Variants in NUB1 observed in about 807,000 individuals in gnomAD.
The protein encoded by NUB1 is negative regulator of ubiquitin like proteins 1, also known as NEDD8 ultimate buster 1.
A neutral mutation model predicts 77.1 loss-of-function variants in NUB1; 41 were observed. That is an observed-to-expected ratio of 0.53 (90% CI 0.41 to 0.69). The LOEUF (loss-of-function observed/expected upper bound fraction) is 0.69, where lower values mean the gene tolerates loss of function less well. Among genes scored for constraint, NUB1 ranks in the 30% least tolerant of loss-of-function variants. NUB1 has a pLI of 0.00. For missense variants in NUB1, 643 were observed against 743.8 expected, an observed-to-expected ratio of 0.86 and a Z score of 1.58; for synonymous variants, 257 against 281.0, an observed-to-expected ratio of 0.91 and a Z score of 0.85.
Position 151,377,383 on chromosome 7 carries a change from G to T in NUB1, c.*158G>T. 1 of 518,292 alleles carries T rather than the reference G, an allele frequency of 1.9e-6. No individual in the cohort carries two copies. The highest frequency in any genetic ancestry group is 3.8e-5 in the Admixed American group (1 of 26,022). 32.1% of individuals were successfully genotyped at this position (518,292 alleles called of 1,614,324 possible). On this transcript the variant is annotated 3_prime_UTR_variant, in exon 15 of 15. Transcript: ENST00000568733. ...GGACAAGTCCAGGAGGGGTCCCAGGGCCTTCATGCGTGGTCTCGGGGAAGA... is the reference window on the plus strand; with the variant it reads ...GGACAAGTCCAGGAGGGGTCCCAGGTCCTTCATGCGTGGTCTCGGGGAAGA...
At chr7:151,350,313 CAG>C (rs1407229275) in intron 3 of NUB1, among the ~76,000 whole-genome samples, 5 of 152,358 alleles carry the variant, frequency 3.3e-5, no homozygotes, top group African/African-American at 1.2e-4. Flanking sequence ...GGTGGTGGAG[CAG>C]AGTCTTCTCT....
In NUB1 at chr7:151,376,699, C is replaced by G. The variant is rs1323751335; in HGVS notation, c.1557C>G (p.Val519=). ...EAALRVFRGN[V]QLAAQTLAHN... The stretch of plus-strand genomic sequence containing the variant: ...CGCTGAGAGTGTTCAGAGGCAACGT[C>G]CAGCTGGCCGCCCAGACCCTTGCTC... The change falls in exon 14 of 15, where the codon GTC becomes GTG. Residue 519 remains valine, a synonymous_variant. Transcript: ENST00000568733. The G allele has an allele frequency of 1.2e-6, 2 of 1,609,944 alleles. No individual in the cohort carries two copies. The highest frequency in any genetic ancestry group is 1.7e-6 in the Non-Finnish European group (2 of 1,178,398).
At chr7:151,344,180 CAA>C (rs561127147) in intron 1 of NUB1, among the ~76,000 whole-genome samples, 2 of 45,644 alleles carry the variant, frequency 4.4e-5, no homozygotes, top group African/African-American at 1.2e-4. Flanking sequence ...GACTCCCTCT[CAA>C]AAAAAAAAAA....
chr7:151,362,515 C>A (rs1376645348), intron 8 of NUB1, among the ~76,000 whole-genome samples: 4 of 152,160 alleles, frequency 2.6e-5, no homozygotes, highest in African/African-American at 4.8e-5. Flanking sequence ...AGAATAGTTT[C>A]TTTCCCCAAA....
intron 4 of NUB1, 121 bp from the exon 5 acceptor site, chr7:151,352,691 C>T (rs1255106510): frequency 6.1e-6 from 4 of 653,400 alleles, no homozygotes; most frequent in African/African-American, 5.7e-5. Flanking sequence ...CATCCTCCCA[C>T]CTTGGCCTCC....
intron 11 of NUB1, among the ~76,000 whole-genome samples, chr7:151,373,828 G>C (rs923114091): frequency 3.9e-5 from 6 of 152,238 alleles, no homozygotes; most frequent in African/African-American, 1.4e-4. Flanking sequence ...CCGGATGGTG[G>C]ATGGCGGGGC....
chr7:151,377,317 G>T lies in NUB1; in HGVS notation c.*92G>T. Reference sequence around the variant, plus strand: ...CTCTTTCTGTTCTTACTTTTTATCTGAATTACAAGTCCTCTTTGGGTGTAG... The same window carrying T: ...CTCTTTCTGTTCTTACTTTTTATCTTAATTACAAGTCCTCTTTGGGTGTAG... On this transcript the variant is annotated 3_prime_UTR_variant, in exon 15 of 15. Coordinates refer to ENST00000568733, the MANE Select transcript of NUB1 (RefSeq NM_001243351.2). The T allele has an allele frequency of 3.9e-4, 279 of 709,714 alleles. No homozygotes were observed. Among genetic ancestry groups the T allele is most frequent in the Middle Eastern group, 9.5e-4 (2 of 2,104 alleles). 44.0% of individuals were successfully genotyped at this position (709,714 alleles called of 1,614,324 possible).
chr7:151,351,213 G>T, intron 3 of NUB1: 1 of 544,322 alleles, frequency 1.8e-6, no homozygotes, highest in Non-Finnish European at 3.2e-6. Context: ...CCTGCCTGGT[G>T]GTGCCACGCT....
chr7:151,345,886 A>C (rs552418288), intron 2 of NUB1, among the ~76,000 whole-genome samples: 5 of 152,078 alleles, frequency 3.3e-5, no homozygotes, highest in African/African-American at 1.2e-4. Context: ...TGCTCTCACT[A>C]TCAGTGTTCA....
intron 2 of NUB1, among the ~76,000 whole-genome samples, chr7:151,345,791 GAC>G (rs1307430238): frequency 1.3e-5 from 2 of 152,186 alleles, no homozygotes; most frequent in Non-Finnish European, 2.9e-5. Flanking sequence ...TGTTCAAAGT[GAC>G]AGTGTCTTGG....
At chr7:151,351,219 A>T (rs1365275714) in intron 3 of NUB1, 1 of 549,486 alleles carries the variant, frequency 1.8e-6, no homozygotes, top group Non-Finnish European at 3.2e-6. Flanking sequence ...TGGTGGTGCC[A>T]CGCTGCCGCC....
chr7:151,375,783 C>A, intron 12 of NUB1, 65 bp from the exon 13 acceptor site: 2 of 1,064,476 alleles, frequency 1.9e-6, no homozygotes, highest in Non-Finnish European at 2.9e-6. Flanking sequence ...TGGCAGGGTG[C>A]AGCGCCTGTC....
At chr7:151,348,003 A>T (rs1352689035) in intron 2 of NUB1, among the ~76,000 whole-genome samples, 1 of 152,180 alleles carries the variant, frequency 6.6e-6, no homozygotes, top group Non-Finnish European at 1.5e-5. Context: ...TGGGACTGGA[A>T]GTGTGTTTGG....
intron 3 of NUB1, 197 bp from the exon 4 acceptor site, chr7:151,351,227 G>A (rs746844068): frequency 4.0e-5 from 22 of 556,236 alleles, no homozygotes; most frequent in South Asian, 1.5e-4. Flanking sequence ...CCACGCTGCC[G>A]CCCCCTTGAG....
intron 7 of NUB1, 26 bp downstream of exon 7, chr7:151,356,248 C>T (rs1272361528): frequency 6.6e-7 from 1 of 1,524,628 alleles, no homozygotes; most frequent in South Asian, 1.1e-5. Flanking sequence ...AATGTGTGGC[C>T]TGTTCTTAGA....
intron 11 of NUB1, among the ~76,000 whole-genome samples, chr7:151,369,528 T>A (rs563023791): frequency 6.6e-6 from 1 of 152,314 alleles, no homozygotes; most frequent in African/African-American, 2.4e-5. Flanking sequence ...AGAAACAAGT[T>A]GTATTATATT....
At chr7:151,356,371 T>G (rs1797064166) in intron 7 of NUB1, 149 bp downstream of exon 7, 2 of 665,544 alleles carry the variant, frequency 3.0e-6, no homozygotes, top group South Asian at 1.7e-5. Flanking sequence ...CACCACGTGG[T>G]GAGCACTGGC....
chr7:151,350,070 C>T (rs968851723), intron 3 of NUB1, among the ~76,000 whole-genome samples: 6 of 152,206 alleles, frequency 3.9e-5, no homozygotes, highest in Non-Finnish European at 8.8e-5. Flanking sequence ...GTAGACGAGG[C>T]GGAGAGAGAG....
intron 7 of NUB1, among the ~76,000 whole-genome samples, chr7:151,359,726 G>A (rs147786952): frequency 2.8e-4 from 43 of 152,244 alleles, no homozygotes; most frequent in African/African-American, 9.6e-4. Flanking sequence ...GCAGTGACCC[G>A]AGATCGCACC....
Sources: allele counts gnomAD v4.1 joint callset (sites outside exome capture counted in the v4.1 genomes callset), GRCh38; gene constraint gnomAD v4.1.1; transcripts MANE v1.5; gene names NCBI Gene and HGNC (gene_info 2026-07-23, HGNC 2026-07-21).